The following TMEM135 variants were observed in gnomAD, a reference collection of about 807,000 sequenced individuals.
TMEM135 encodes peroxisomal membrane protein 52.
TMEM135 carries 30 observed loss-of-function variants against 60.3 expected under a neutral mutation model. The ratio of observed to expected loss-of-function variants is 0.50; its 90% CI spans 0.37 to 0.68. The LOEUF (loss-of-function observed/expected upper bound fraction) is 0.68. TMEM135 is among the 30% of genes least tolerant of loss of function. The probability of loss-of-function intolerance (pLI) is 0.00; values close to 1 mark genes in which losing one functional copy is unlikely to be tolerated. For synonymous variants in TMEM135, 190 were observed against 186.7 expected, an observed-to-expected ratio of 1.02 and a Z score of -0.14; for missense variants, 468 against 548.8, an observed-to-expected ratio of 0.85 and a Z score of 1.47.
chr11:87,293,250 C>T (rs1223214478), intron 6 of TMEM135, among the ~76,000 whole-genome samples: 1 of 152,134 alleles, frequency 6.6e-6, no homozygotes, highest in African/African-American at 2.4e-5. Flanking sequence ...ATTCTTTTGC[C>T]TTTACCCCTA....
rs1018201664 is a variant in TMEM135 at position 87,322,171 on chromosome 11, A to C, written c.*838A>C. ...AGGTTTATGATGTTTGTTTTCATTTATATGGACATAATCCTTCATAGCTCA... is the reference window on the plus strand; with the variant it reads ...AGGTTTATGATGTTTGTTTTCATTTCTATGGACATAATCCTTCATAGCTCA... On this transcript the variant is annotated 3_prime_UTR_variant, in exon 15 of 15. Transcript: ENST00000305494. 2.2e-6 allele frequency: 1 copy of C among 454,436 alleles called. No homozygotes were observed. The allele number at this position is 454,436 out of a possible 1,614,324, so 28.2% of individuals were successfully genotyped here.
intron 4 of TMEM135, among the ~76,000 whole-genome samples, chr11:87,152,959 T>C (rs1399435719): frequency 6.6e-6 from 1 of 152,176 alleles, no homozygotes; most frequent in Admixed American, 6.5e-5. Flanking sequence ...TTAGGCATCT[T>C]TTTTTATGCA....
At chr11:87,042,625 G>C (rs1361929605) in intron 1 of TMEM135, among the ~76,000 whole-genome samples, 1 of 152,096 alleles carries the variant, frequency 6.6e-6, no homozygotes, top group Non-Finnish European at 1.5e-5. Flanking sequence ...TGTATTCTGA[G>C]CCCCAACATG....
At chr11:87,119,941 C>G (rs1176160333) in intron 4 of TMEM135, among the ~76,000 whole-genome samples, 1 of 151,168 alleles carries the variant, frequency 6.6e-6, no homozygotes, top group Non-Finnish European at 1.5e-5. Context: ...CCTGCATATG[C>G]ATATGCAGTC....
At chr11:87,235,053 T>C (rs1236683725) in intron 5 of TMEM135, among the ~76,000 whole-genome samples, 1 of 151,934 alleles carries the variant, frequency 6.6e-6, no homozygotes, top group African/African-American at 2.4e-5. Flanking sequence ...CCAACGGGGA[T>C]TGAATGATAG....
intron 6 of TMEM135, among the ~76,000 whole-genome samples, chr11:87,292,707 C>T (rs899920681): frequency 6.6e-6 from 1 of 152,132 alleles, no homozygotes; most frequent in Non-Finnish European, 1.5e-5. Flanking sequence ...ACATCTGACC[C>T]TCAATTACAT....
At chr11:87,204,393 A>C (rs955039079) in intron 5 of TMEM135, among the ~76,000 whole-genome samples, 2 of 152,040 alleles carry the variant, frequency 1.3e-5, no homozygotes, top group African/African-American at 4.8e-5. Flanking sequence ...TGTCCCATTC[A>C]AGCAGTTATG....
At chr11:87,125,690 G>A (rs770545418) in intron 4 of TMEM135, among the ~76,000 whole-genome samples, 46 of 152,272 alleles carry the variant, frequency 3.0e-4, no homozygotes, top group African/African-American at 7.9e-4. Flanking sequence ...AAAGCAAAAA[G>A]TGATGTGATA....
At chr11:87,318,835 A>G (rs551859362) in intron 13 of TMEM135, among the ~76,000 whole-genome samples, 4 of 149,810 alleles carry the variant, frequency 2.7e-5, no homozygotes, top group South Asian at 4.3e-4. Context: ...GATAATGACT[A>G]TTCACTTAAT....
chr11:87,113,911 C>T (rs572417819), intron 4 of TMEM135, among the ~76,000 whole-genome samples: 3 of 151,932 alleles, frequency 2.0e-5, no homozygotes, highest in East Asian at 1.9e-4. Context: ...ATATAAAAGA[C>T]GTACTAGTGC....
At chr11:87,230,327 A>T (rs911390927) in intron 5 of TMEM135, among the ~76,000 whole-genome samples, 8 of 152,054 alleles carry the variant, frequency 5.3e-5, no homozygotes, top group South Asian at 2.1e-4. Context: ...AACTTTTTTT[A>T]AAAAAAGTGA....
At position 87,327,559 on chromosome 11, in the gene TMEM135, A is replaced by T. The variant is rs1281059196; in HGVS notation, c.*6226A>T. The T allele has an allele frequency of 6.6e-6, 3 of 451,378 alleles. No individual in the cohort carries two copies. The Admixed American group carries it at 7.1e-5, about 11-fold the overall frequency. The allele number at this position is 451,378 out of a possible 1,614,324, so 28.0% of individuals were successfully genotyped here. A position where few individuals can be genotyped will look rare whatever the true frequency, so the allele number is the denominator to read the frequency against. ...AGAGATATGAGAGGGATAGAGAGAG[A>T]CACAGAGAGAGATATGAGAGGGGAT... is the stretch of plus-strand genomic sequence containing the variant. On this transcript the variant is annotated 3_prime_UTR_variant, in exon 15 of 15. Coordinates refer to ENST00000305494, the MANE Select transcript of TMEM135 (RefSeq NM_022918.4).
chr11:87,226,838 G>A (rs947494829), intron 5 of TMEM135, among the ~76,000 whole-genome samples: 3 of 152,016 alleles, frequency 2.0e-5, no homozygotes, highest in Non-Finnish European at 4.4e-5. Context: ...TGATATCAGG[G>A]GTTTGAGACC....
intron 6 of TMEM135, among the ~76,000 whole-genome samples, chr11:87,248,486 C>T (rs555842345): frequency 6.6e-6 from 1 of 152,082 alleles, no homozygotes; most frequent in African/African-American, 2.4e-5. Flanking sequence ...ACCTGCTTGC[C>T]ATTTGTATGT....
At chr11:87,038,938 A>G (rs1415949528) in intron 1 of TMEM135, among the ~76,000 whole-genome samples, 2 of 152,170 alleles carry the variant, frequency 1.3e-5, no homozygotes, top group Non-Finnish European at 2.9e-5. Context: ...ATGCTCTTAA[A>G]TGTTCTCCGC....
chr11:87,224,751 A>G (rs974308712), intron 5 of TMEM135, among the ~76,000 whole-genome samples: 7 of 124,070 alleles, frequency 5.6e-5, no homozygotes, highest in African/African-American at 2.1e-4. Flanking sequence ...ATGCTGAATG[A>G]CATGTGAGTT....
At chr11:87,153,612 T>G (rs1231336729) in intron 4 of TMEM135, among the ~76,000 whole-genome samples, 1 of 152,234 alleles carries the variant, frequency 6.6e-6, no homozygotes, top group Non-Finnish European at 1.5e-5. Flanking sequence ...TTATTATGCT[T>G]AATTTTTTTC....
chr11:87,272,486 G>T (rs1433885829), intron 6 of TMEM135, among the ~76,000 whole-genome samples: 6 of 150,344 alleles, frequency 4.0e-5, no homozygotes, highest in African/African-American at 7.3e-5. Flanking sequence ...TTTGTGATGG[G>T]ATCTCACTCT....
At chr11:87,200,010 T>A (rs1316084363) in intron 5 of TMEM135, among the ~76,000 whole-genome samples, 6 of 152,232 alleles carry the variant, frequency 3.9e-5, no homozygotes, top group Non-Finnish European at 8.8e-5. Flanking sequence ...CTTTTAGCAC[T>A]GTAAACTAAA....
Sources: gnomAD v4.1 joint callset for allele counts (sites outside exome capture counted in the v4.1 genomes callset) on GRCh38, gnomAD v4.1.1 for gene constraint, MANE v1.5 for transcripts, NCBI Gene and HGNC (gene_info 2026-07-23, HGNC 2026-07-21) for gene names.